Variants in PRKG1 observed in about 807,000 individuals in gnomAD.
The protein encoded by PRKG1 is cGMP-dependent protein kinase 1.
PRKG1 carries 35 observed loss-of-function variants against 88.1 expected under a neutral mutation model. That is an observed-to-expected ratio of 0.40 (90% CI 0.30 to 0.53). PRKG1 has a LOEUF of 0.53. Ranked by LOEUF, PRKG1 falls within the 20% of genes least tolerant of loss-of-function variation. The pLI, the probability that PRKG1 is intolerant of heterozygous loss-of-function variation, is 0.59. For missense variants in PRKG1, 540 were observed against 839.8 expected (o/e 0.64, Z 4.41); for synonymous variants, 303 against 292.5 (o/e 1.04, Z -0.37).
chr10:51,944,573 C>A (rs1451886753), intron 5 of PRKG1, among the ~76,000 whole-genome samples: 2 of 152,044 alleles, frequency 1.3e-5, no homozygotes, highest in African/African-American at 4.8e-5. Context: ...ATCTTTCCTG[C>A]TTTCTCTTGT....
At chr10:51,587,039 C>T (rs768026554) in intron 3 of PRKG1, among the ~76,000 whole-genome samples, 13 of 152,116 alleles carry the variant, frequency 8.5e-5, no homozygotes, top group Admixed American at 5.2e-4. Context: ...TCAAACCTCA[C>T]TAAAAATGGG....
rs181554364 is a variant in PRKG1, at chr10:51,578,975, T to C, written c.592+111139T>C. 4.0e-3 allele frequency among the ~76,000 whole-genome samples: 587 copies of C among 148,456 alleles called. 6 individuals carry two copies. Among genetic ancestry groups the C allele is most frequent in the African/African-American group, 0.014 (563 of 40,494 alleles). ...TTCCAGAAGAGTTTGGAATAAGTTCTGTTGGTTTTTTTTTTTTTTTTTTTT... is the reference window on the plus strand; with the variant it reads ...TTCCAGAAGAGTTTGGAATAAGTTCCGTTGGTTTTTTTTTTTTTTTTTTTT... On this transcript the variant is annotated intron_variant, in intron 3 of 17. Coordinates refer to ENST00000373980, the MANE Select transcript of PRKG1 (RefSeq NM_006258.4).
chr10:51,769,170 A>G (rs1013740909), intron 3 of PRKG1, among the ~76,000 whole-genome samples: 4 of 152,216 alleles, frequency 2.6e-5, no homozygotes, highest in Non-Finnish European at 5.9e-5. Context: ...TCTTGGTCCC[A>G]GATTAAACGC....
chr10:51,404,407 T>C (rs1292998913), intron 2 of PRKG1, among the ~76,000 whole-genome samples: 2 of 152,206 alleles, frequency 1.3e-5, no homozygotes, highest in Non-Finnish European at 2.9e-5. Context: ...GGCCAAAATG[T>C]TTTTACTGCC....
chr10:51,743,175 G>A (rs1213682598), intron 3 of PRKG1, among the ~76,000 whole-genome samples: 5 of 151,982 alleles, frequency 3.3e-5, no homozygotes, highest in African/African-American at 9.7e-5. Flanking sequence ...TTTCAATACC[G>A]GGCCTATTTG....
chr10:52,283,510 A>G (rs1279424829), intron 14 of PRKG1, among the ~76,000 whole-genome samples: 4 of 152,072 alleles, frequency 2.6e-5, no homozygotes, highest in Non-Finnish European at 5.9e-5. Context: ...TACTACTACA[A>G]CAACGACAGT....
chr10:51,630,041 G>A (rs1057105614), intron 3 of PRKG1, among the ~76,000 whole-genome samples: 1 of 152,152 alleles, frequency 6.6e-6, no homozygotes, highest in African/African-American at 2.4e-5. Context: ...TGAGTTAGTT[G>A]AGCAGGTTGA....
intron 2 of PRKG1, among the ~76,000 whole-genome samples, chr10:51,253,452 C>T (rs554506501): frequency 1.0e-3 from 157 of 151,976 alleles, no homozygotes; most frequent in Admixed American, 2.6e-3. Flanking sequence ...ATCTTTCCCC[C>T]CAATAGACAT....
At chr10:51,375,607 T>C (rs1267694420) in intron 2 of PRKG1, among the ~76,000 whole-genome samples, 1 of 152,150 alleles carries the variant, frequency 6.6e-6, no homozygotes, top group East Asian at 1.9e-4. Context: ...ATACGCAGCC[T>C]GTTGTATGTG....
rs5784884 is a variant in PRKG1 at position 51,728,461 on chromosome 10, T to G, written c.593-76124T>G. ...AATTCCATTTTTTCTTTGTTTTTTT[T>G]TTTTTTTTTTTTTTTTTTTAATCAG... On this transcript the variant is annotated intron_variant, in intron 3 of 17. Transcript: ENST00000373980. 5.0e-3 allele frequency among the ~76,000 whole-genome samples: 707 copies of G among 141,080 alleles called. 7 individuals are homozygous for G. Among genetic ancestry groups the G allele is most frequent in the African/African-American group, 6.1e-3 (230 of 37,400 alleles). 92.6% of individuals were successfully genotyped at this position (141,080 alleles called of 152,430 possible). A position where few individuals can be genotyped will look rare whatever the true frequency, so the allele number is the denominator to read the frequency against.
At chr10:51,264,445 A>C (rs948591368) in intron 2 of PRKG1, among the ~76,000 whole-genome samples, 3 of 152,216 alleles carry the variant, frequency 2.0e-5, no homozygotes, top group African/African-American at 7.2e-5. Context: ...GAGATACATA[A>C]ACATACAAAT....
At chr10:51,397,216 A>C (rs10762104) in intron 2 of PRKG1, among the ~76,000 whole-genome samples, 48,072 of 150,274 alleles carry the variant, frequency 0.32, 8,654 homozygotes, top group Non-Finnish European at 0.42. Context: ...CTGATGTGTA[A>C]GTTTTTAAAA....
chr10:51,165,254 A>G (rs1285616024), intron 2 of PRKG1, among the ~76,000 whole-genome samples: 1 of 152,168 alleles, frequency 6.6e-6, no homozygotes, highest in East Asian at 1.9e-4. Context: ...CAACATTCTT[A>G]AAGAAAAGAA....
chr10:52,237,528 GACAA>G (rs1161668128), intron 9 of PRKG1, among the ~76,000 whole-genome samples: 2 of 131,986 alleles, frequency 1.5e-5, no homozygotes. Context: ...ACCAACAACA[GACAA>G]ACAGAGAGCC....
At chr10:51,022,964 T>G (rs192063122) in intron 1 of PRKG1, among the ~76,000 whole-genome samples, 197 of 152,248 alleles carry the variant, frequency 1.3e-3, no homozygotes, top group African/African-American at 3.9e-3. Flanking sequence ...ACTACTGCAC[T>G]CCAGCCTGGG....
At chr10:51,478,848 A>G (rs1840275176) in intron 3 of PRKG1, among the ~76,000 whole-genome samples, 1 of 152,070 alleles carries the variant, frequency 6.6e-6, no homozygotes, top group Admixed American at 6.6e-5. Flanking sequence ...TAAAATATCA[A>G]AAGTAGAATT....
chr10:52,183,039 A>G (rs1589681098), intron 9 of PRKG1, among the ~76,000 whole-genome samples: 1 of 152,160 alleles, frequency 6.6e-6, no homozygotes, highest in Non-Finnish European at 1.5e-5. Context: ...AGGTTCTTTT[A>G]AACAATCAGA....
chr10:52,041,370 G>A (rs1178714439), intron 5 of PRKG1, among the ~76,000 whole-genome samples: 1 of 152,182 alleles, frequency 6.6e-6, no homozygotes, highest in Non-Finnish European at 1.5e-5. Flanking sequence ...GTTGAATTCA[G>A]TTTGCTAGTA....
intron 2 of PRKG1, among the ~76,000 whole-genome samples, chr10:51,436,829 C>T (rs185102815): frequency 5.0e-4 from 76 of 152,146 alleles, no homozygotes; most frequent in Middle Eastern, 3.4e-3. Context: ...ATTCAATCAT[C>T]ACTAGAGACC....
Sources: gnomAD v4.1 joint callset for allele counts (sites outside exome capture counted in the v4.1 genomes callset) on GRCh38, gnomAD v4.1.1 for gene constraint, MANE v1.5 for transcripts, NCBI Gene and HGNC (gene_info 2026-07-23, HGNC 2026-07-21) for gene names.